The following CCDC60 variants were observed in gnomAD, a reference collection of about 807,000 sequenced individuals.
The protein encoded by CCDC60 is coiled-coil domain containing 60.
CCDC60 carries 54 observed loss-of-function variants against 63.5 expected under a neutral mutation model. The ratio of observed to expected loss-of-function variants is 0.85; its 90% CI spans 0.68 to 1.07. CCDC60 has a LOEUF of 1.07. CCDC60 is among the 50% of genes least tolerant of loss of function. CCDC60 has a pLI of 0.00. For synonymous variants in CCDC60, 206 were observed against 238.8 expected (o/e 0.86, Z 1.27); for missense variants, 651 against 684.3 (o/e 0.95, Z 0.54).
intron 6 of CCDC60, 34 bp downstream of exon 6, chr12:119,500,202 C>T: frequency 7.1e-7 from 1 of 1,415,416 alleles, no homozygotes. Context: ...CCCTTTGGCT[C>T]CTAGGTCCCA....
rs145612123 is a variant in CCDC60, at chr12:119,435,764, CTT to C, written c.170+7003_170+7004del. Among the ~76,000 whole-genome samples the C allele has an allele frequency of 8.9e-3, 1,348 of 152,310 alleles. 22 individuals carry two copies. The highest frequency in any genetic ancestry group is 0.03 in the African/African-American group (1,265 of 41,568). On this transcript the variant is annotated intron_variant, in intron 2 of 13. Coordinates refer to ENST00000327554, the MANE Select transcript of CCDC60 (RefSeq NM_178499.5). ...ACAAACTACCCCCAAAACTCAGTAA[CTT>C]AAAACAATGAGCATTTATTAGTGAT... is the stretch of plus-strand genomic sequence containing the variant.
rs1336039314 is a variant in CCDC60 at position 119,510,893 on chromosome 12, C to T, written c.883+5590C>T. Among the ~76,000 whole-genome samples, 3 of 152,302 alleles carry T rather than the reference C, an allele frequency of 2.0e-5. No homozygotes were observed. The East Asian group carries it at 5.8e-4, about 29-fold the overall frequency. On this transcript the variant is annotated intron_variant, in intron 7 of 13. Transcript: ENST00000327554. ...TCTACTAAAATCTCATTGCCCAGAA[C>T]TTAGTCACAGGGCTATGCCCAGCTG...
chr12:119,488,680 C>T lies in CCDC60; in HGVS notation c.450-79C>T. On this transcript the variant is annotated intron_variant, in intron 4 of 13. Transcript: ENST00000327554. ...GCTCCCTCACTGGGAGCAAGTACCA[C>T]TACTATTTCTGTGGCTATTTTTGCG... 3 of 1,209,324 alleles carry T rather than the reference C, an allele frequency of 2.5e-6. No homozygotes were observed. In the South Asian group the frequency reaches 3.7e-5, roughly 15 times the overall value. The allele number at this position is 1,209,324 out of a possible 1,614,324, so 74.9% of individuals were successfully genotyped here. A position where few individuals can be genotyped will look rare whatever the true frequency, so the allele number is the denominator to read the frequency against.
chr12:119,436,513 A>C (rs990259200), intron 2 of CCDC60, among the ~76,000 whole-genome samples: 1 of 151,024 alleles, frequency 6.6e-6, no homozygotes, highest in Admixed American at 6.6e-5. Flanking sequence ...AAAGAGAAGC[A>C]AGCGAGTCCC....
At chr12:119,390,599 C>T (rs1956139839) in intron 1 of CCDC60, among the ~76,000 whole-genome samples, 2 of 152,138 alleles carry the variant, frequency 1.3e-5, no homozygotes, top group South Asian at 4.1e-4. Context: ...TATAATGATG[C>T]CAAGATGAGT....
chr12:119,345,686 C>T lies in CCDC60; in HGVS notation c.90+10420C>T, dbSNP rs189967235. ...ACAGCCAAATCCTTATGGTTTTTCACGGCAATATCTTTCCAGAAATTTGAA... is the reference window on the plus strand; with the variant it reads ...ACAGCCAAATCCTTATGGTTTTTCATGGCAATATCTTTCCAGAAATTTGAA... On this transcript the variant is annotated intron_variant, in intron 1 of 13. Coordinates refer to ENST00000327554, the MANE Select transcript of CCDC60 (RefSeq NM_178499.5). Among the ~76,000 whole-genome samples, 9 of 152,232 alleles carry T rather than the reference C, an allele frequency of 5.9e-5. No homozygotes were observed. In the East Asian group the frequency reaches 1.7e-3, roughly 29 times the overall value.
chr12:119,495,359 G>A (rs1951696280), intron 5 of CCDC60, among the ~76,000 whole-genome samples: 1 of 151,984 alleles, frequency 6.6e-6, no homozygotes, highest in African/African-American at 2.4e-5. Flanking sequence ...AAAGGGACTC[G>A]ACTTACCGAG....
At chr12:119,434,975 T>G (rs975873603) in intron 2 of CCDC60, among the ~76,000 whole-genome samples, 1 of 152,180 alleles carries the variant, frequency 6.6e-6, no homozygotes, top group African/African-American at 2.4e-5. Flanking sequence ...ATCCACTGCA[T>G]AGAGGCTATG....
At chr12:119,392,228 A>G (rs1297669331) in intron 1 of CCDC60, among the ~76,000 whole-genome samples, 2 of 152,078 alleles carry the variant, frequency 1.3e-5, no homozygotes, top group East Asian at 3.9e-4. Flanking sequence ...ATCTTCCCCA[A>G]AATCCACCCT....
rs55677949 is a variant in CCDC60 at position 119,450,868 on chromosome 12, AAG to A, written c.171-21108_171-21107del. ...CAAGACTCCATCTCAAAAAAAAAAA[AAG>A]AGAGAGAGAGAGAGAGATAAGACAA... On this transcript the variant is annotated intron_variant, in intron 2 of 13. Transcript: ENST00000327554. Among the ~76,000 whole-genome samples the A allele has an allele frequency of 3.7e-3, 528 of 141,722 alleles. 2 individuals are homozygous for A. The highest frequency in any genetic ancestry group is 0.01 in the African/African-American group (392 of 38,346). 93.0% of individuals were successfully genotyped at this position (141,722 alleles called of 152,430 possible).
intron 6 of CCDC60, among the ~76,000 whole-genome samples, chr12:119,503,442 G>A (rs573355616): frequency 6.6e-6 from 1 of 152,196 alleles, no homozygotes; most frequent in Non-Finnish European, 1.5e-5. Context: ...TGCTTTGGGT[G>A]CTTGGCATTT....
intron 5 of CCDC60, among the ~76,000 whole-genome samples, chr12:119,491,712 CTTTT>C (rs34290377): frequency 6.9e-6 from 1 of 144,560 alleles, no homozygotes; most frequent in Non-Finnish European, 1.5e-5. Flanking sequence ...AAAGCAATAT[CTTTT>C]TTTTTTTTTT....
chr12:119,418,386 CTTTTTTTTTTTTTTTTTTTTTTTTTTTTT>C (rs556783132), intron 1 of CCDC60, among the ~76,000 whole-genome samples: 10 of 65,754 alleles, frequency 1.5e-4, no homozygotes, highest in South Asian at 6.8e-4. Context: ...TTCTTTCTTT[CTTTTTTTTTTTTTTTTTTTTTTTTTTTTT>C]TTTTTTTTTT....
chr12:119,463,687 A>G (rs1245793465), intron 2 of CCDC60, among the ~76,000 whole-genome samples: 2 of 152,254 alleles, frequency 1.3e-5, no homozygotes, highest in Non-Finnish European at 2.9e-5. Flanking sequence ...TCTTATGTGA[A>G]TGCTTTGCAG....
intron 5 of CCDC60, among the ~76,000 whole-genome samples, chr12:119,493,499 C>T (rs959110883): frequency 2.6e-5 from 4 of 151,462 alleles, no homozygotes; most frequent in African/African-American, 9.7e-5. Context: ...TTTAGGGTGT[C>T]ATTATGAGTT....
chr12:119,440,707 A>G (rs1164841496), intron 2 of CCDC60, among the ~76,000 whole-genome samples: 1 of 152,148 alleles, frequency 6.6e-6, no homozygotes, highest in Non-Finnish European at 1.5e-5. Context: ...GTGGGAATAC[A>G]GAGTGGGGCA....
intron 1 of CCDC60, among the ~76,000 whole-genome samples, chr12:119,373,489 C>T (rs187217134): frequency 1.3e-5 from 2 of 152,270 alleles, no homozygotes; most frequent in Admixed American, 1.3e-4. Flanking sequence ...AAGCTTGCTG[C>T]CAAACCACTT....
intron 1 of CCDC60, among the ~76,000 whole-genome samples, chr12:119,344,263 A>C (rs1338957307): frequency 2.0e-5 from 3 of 152,158 alleles, no homozygotes; most frequent in Non-Finnish European, 4.4e-5. Flanking sequence ...AGGGGGCAAG[A>C]CCATCCACAG....
chr12:119,524,716 C>CTTTTTT lies in CCDC60; in HGVS notation c.1229+902_1229+903insTTTTTT, dbSNP rs1416953138. Among the ~76,000 whole-genome samples, 496 of 90,224 alleles carry CTTTTTT rather than the reference C, an allele frequency of 5.5e-3. 22 individuals are homozygous for CTTTTTT. The highest frequency in any genetic ancestry group is 0.022 in the African/African-American group (400 of 18,580). 59.2% of individuals were successfully genotyped at this position (90,224 alleles called of 152,430 possible). On this transcript the variant is annotated intron_variant, in intron 11 of 13. Transcript: ENST00000327554. ...AGGAAACAGCAGTTTCTTTTCTTTTCTTTTCTTTTTTTTTTTTTTTTTTTG... is the reference window on the plus strand; with the variant it reads ...AGGAAACAGCAGTTTCTTTTCTTTTCTTTTTTTTTTCTTTTTTTTTTTTTTTTTTTG...
Sources: gnomAD v4.1 joint callset for allele counts (sites outside exome capture counted in the v4.1 genomes callset) on GRCh38, gnomAD v4.1.1 for gene constraint, MANE v1.5 for transcripts, NCBI Gene and HGNC (gene_info 2026-07-23, HGNC 2026-07-21) for gene names.